The following NTM variants were observed in gnomAD, a reference collection of about 807,000 sequenced individuals.
NTM encodes the protein neurotrimin.
In NTM, 13 loss-of-function variants were observed where a neutral mutation model predicts 42.1. The ratio of observed to expected loss-of-function variants is 0.31; its 90% CI spans 0.20 to 0.49. NTM has a LOEUF of 0.49. NTM is among the 20% of genes least tolerant of loss of function. The pLI, the probability that NTM is intolerant of heterozygous loss-of-function variation, is 0.99. For synonymous variants in NTM, 187 were observed against 179.2 expected (o/e 1.04, Z -0.35); for missense variants, 373 against 452.8 (o/e 0.82, Z 1.60).
intron 2 of NTM, among the ~76,000 whole-genome samples, chr11:131,936,010 T>G (rs1004111361): frequency 3.9e-5 from 6 of 152,154 alleles, no homozygotes; most frequent in Admixed American, 3.9e-4. Flanking sequence ...TCATGGAAAT[T>G]TTATATATAT....
intron 1 of NTM, among the ~76,000 whole-genome samples, chr11:131,579,820 G>T (rs1278873797): frequency 6.6e-6 from 1 of 152,178 alleles, no homozygotes; most frequent in Admixed American, 6.5e-5. Context: ...GAATGGGTTA[G>T]ATGGAAATGT....
chr11:132,269,241 A>T (rs985175315), intron 4 of NTM, among the ~76,000 whole-genome samples: 3 of 152,226 alleles, frequency 2.0e-5, no homozygotes, highest in African/African-American at 7.2e-5. Context: ...ATTCTATTGC[A>T]GGTGTAGAGA....
chr11:131,680,250 C>G (rs1052958697), intron 1 of NTM, among the ~76,000 whole-genome samples: 13 of 152,130 alleles, frequency 8.5e-5, no homozygotes, highest in Non-Finnish European at 8.8e-5. Flanking sequence ...CAAAATGAAT[C>G]GGAAAAGATA....
At chr11:131,948,668 A>T (rs1358209343) in intron 2 of NTM, among the ~76,000 whole-genome samples, 1 of 152,104 alleles carries the variant, frequency 6.6e-6, no homozygotes, top group South Asian at 2.1e-4. Context: ...TGGTATCTCA[A>T]GGGCTTCTTT....
intron 1 of NTM, among the ~76,000 whole-genome samples, chr11:131,384,846 C>T (rs1323211276): frequency 5.3e-5 from 8 of 152,222 alleles, no homozygotes; most frequent in Admixed American, 2.6e-4. Context: ...GCTTAAATAA[C>T]GTAATCTGTA....
intron 4 of NTM, among the ~76,000 whole-genome samples, chr11:132,281,576 C>T (rs11222998): frequency 0.095 from 14,422 of 152,244 alleles, 733 homozygotes; most frequent in Middle Eastern, 0.15. Flanking sequence ...ATTTACAGAA[C>T]CCCAGTCTGT....
intron 1 of NTM, among the ~76,000 whole-genome samples, chr11:131,664,580 G>T (rs2068664523): frequency 6.6e-6 from 1 of 152,008 alleles, no homozygotes; most frequent in African/African-American, 2.4e-5. Context: ...CCCAGTGCCA[G>T]GTACCAAATG....
At chr11:131,740,203 T>C (rs966204922) in intron 1 of NTM, among the ~76,000 whole-genome samples, 2 of 152,180 alleles carry the variant, frequency 1.3e-5, no homozygotes, top group Non-Finnish European at 1.5e-5. Flanking sequence ...ATTCCCAGCC[T>C]CACTGGTTAC....
At chr11:131,549,974 T>C (rs2054445748) in intron 1 of NTM, among the ~76,000 whole-genome samples, 1 of 152,172 alleles carries the variant, frequency 6.6e-6, no homozygotes, top group African/African-American at 2.4e-5. Flanking sequence ...GCATTTCACG[T>C]CCTGCAGGGC....
intron 4 of NTM, among the ~76,000 whole-genome samples, chr11:132,233,097 AGGAACAACG>A (rs2087974186): frequency 1.3e-5 from 2 of 152,192 alleles, no homozygotes; most frequent in South Asian, 4.1e-4. Flanking sequence ...ACTGGGCAAA[AGGAACAACG>A]GGATTGATAC....
intron 1 of NTM, among the ~76,000 whole-genome samples, chr11:131,633,639 C>T (rs1394216415): frequency 7.2e-6 from 1 of 139,204 alleles, no homozygotes; most frequent in African/African-American, 2.7e-5. Flanking sequence ...ATCTCTGCCT[C>T]TCTCTCCCTC....
At chr11:131,442,395 A>T (rs1949693918) in intron 1 of NTM, among the ~76,000 whole-genome samples, 1 of 152,218 alleles carries the variant, frequency 6.6e-6, no homozygotes, top group South Asian at 2.1e-4. Context: ...AGGGGACATG[A>T]CAGCTTTCAG....
chr11:131,701,463 G>T (rs1274236218), intron 1 of NTM, among the ~76,000 whole-genome samples: 1 of 152,142 alleles, frequency 6.6e-6, no homozygotes, highest in African/African-American at 2.4e-5. Context: ...AACTGGGCAT[G>T]GTAGATGGGC....
intron 2 of NTM, among the ~76,000 whole-genome samples, chr11:131,923,948 CTAA>C (rs1396731280): frequency 6.6e-6 from 1 of 152,152 alleles, no homozygotes; most frequent in Non-Finnish European, 1.5e-5. Context: ...TTTGAAGGGA[CTAA>C]TAATAGGGGT....
intron 1 of NTM, among the ~76,000 whole-genome samples, chr11:131,373,312 T>C (rs1460016860): frequency 6.6e-6 from 1 of 152,136 alleles, no homozygotes; most frequent in Non-Finnish European, 1.5e-5. Flanking sequence ...TCCAAGGCGA[T>C]TTTTTCTTCT....
intron 1 of NTM, among the ~76,000 whole-genome samples, chr11:131,422,158 G>T (rs1347994695): frequency 6.6e-6 from 1 of 152,226 alleles, no homozygotes; most frequent in Non-Finnish European, 1.5e-5. Context: ...GAGCACAGGA[G>T]AGCTCAGGAT....
intron 2 of NTM, among the ~76,000 whole-genome samples, chr11:132,037,843 T>C (rs2076695441): frequency 6.6e-6 from 1 of 152,222 alleles, no homozygotes; most frequent in Non-Finnish European, 1.5e-5. Flanking sequence ...GCAGGTAATA[T>C]TGTGATTATA....
intron 1 of NTM, among the ~76,000 whole-genome samples, chr11:131,655,619 C>T (rs1158331620): frequency 6.6e-6 from 1 of 152,144 alleles, no homozygotes; most frequent in African/African-American, 2.4e-5. Context: ...GACCACAGCC[C>T]CTGCCGGGTC....
chr11:131,723,930 C>G (rs2078661944), intron 1 of NTM, among the ~76,000 whole-genome samples: 1 of 152,112 alleles, frequency 6.6e-6, no homozygotes, highest in Non-Finnish European at 1.5e-5. Flanking sequence ...GCTAAGAAGG[C>G]CTAGAGGCCA....
Sources: allele counts gnomAD v4.1 joint callset (sites outside exome capture counted in the v4.1 genomes callset), GRCh38; gene constraint gnomAD v4.1.1; transcripts MANE v1.5; gene names NCBI Gene and HGNC (gene_info 2026-07-23, HGNC 2026-07-21).